Variants in KRT1 observed in about 807,000 individuals in gnomAD.
KRT1 encodes keratin 1.
A neutral mutation model predicts 51.6 loss-of-function variants in KRT1; 28 were observed. The observed-to-expected ratio is 0.54, with a 90% CI of 0.40 to 0.74. The LOEUF (loss-of-function observed/expected upper bound fraction) is 0.74, where lower values mean the gene tolerates loss of function less well. Among genes scored for constraint, KRT1 ranks in the 30% least tolerant of loss-of-function variants. The pLI, the probability that KRT1 is intolerant of heterozygous loss-of-function variation, is 0.00. For synonymous variants in KRT1, 301 were observed against 307.7 expected, an observed-to-expected ratio of 0.98 and a Z score of 0.23; for missense variants, 783 against 815.5, an observed-to-expected ratio of 0.96 and a Z score of 0.49.
chr12:52,679,664 TG>T, intron 1 of KRT1, 93 bp downstream of exon 1: 1 of 1,073,742 alleles, frequency 9.3e-7, no homozygotes, highest in Non-Finnish European at 1.4e-6. Flanking sequence ...CATGTAAACA[TG>T]GAAACTTGAG....
chr12:52,678,122 T>C (rs1941537954), intron 3 of KRT1, 41 bp downstream of exon 3: 1 of 1,597,576 alleles, frequency 6.3e-7, no homozygotes, highest in African/African-American at 1.3e-5. Context: ...TCTTCCCTTA[T>C]TTATTTCAAA....
Position 52,677,396 on chromosome 12 carries a change from T to C in KRT1, c.1048A>G (p.Ile350Val). The C allele has an allele frequency of 6.2e-7, 1 of 1,614,246 alleles. No individual in the cohort carries two copies. The highest frequency in any genetic ancestry group is 8.5e-7 in the Non-Finnish European group (1 of 1,180,046). The change falls in exon 5 of 9, where the codon ATC becomes GTC. Residue 350 changes from isoleucine to valine, a missense_variant. Ile to Val is a conservative substitution (Grantham distance 29). Coordinates refer to ENST00000252244, the MANE Select transcript of KRT1 (RefSeq NM_006121.4). ...TACTGGGCCTTGACCTCAGCAATGA[T>C]GCTGTCCAGGTCGAGACTGCGGTTG... is the stretch of plus-strand genomic sequence containing the variant. ...DNNRSLDLDS[I>V]IAEVKAQYED...
chr12:52,678,537 C>T lies in KRT1; in HGVS notation c.806+5G>A. 6.2e-7 allele frequency: 1 copy of T among 1,614,084 alleles called. No homozygotes were observed. Among genetic ancestry groups the T allele is most frequent in the South Asian group, 1.1e-5 (1 of 91,078 alleles). On this transcript the variant is annotated splice_donor_5th_base_variant and intron_variant, in intron 2 of 8. Transcript: ENST00000252244. ...GTTAAGAACTGCCCAGACAGGGTCC[C>T]TTACTTGTTCCGGTAATCCTCCACC...
chr12:52,677,739 C>A lies in KRT1; in HGVS notation c.874G>T (p.Asp292Tyr), dbSNP rs1230640656. ...NEFVTIKKDVDGAYMTKVDLQ... is the reference protein window; with the variant it reads ...NEFVTIKKDVYGAYMTKVDLQ... ...TCCACCTTGGTCATATAAGCACCAT[C>A]CACATCCTAGAGGAACAAGGGACAT... Residue 292 changes from aspartate (D) to tyrosine (Y), a missense_variant, in exon 4 of 9, where the codon GAT becomes TAT. By Grantham distance (160) the Asp-to-Tyr change is radical. Transcript: ENST00000252244. The A allele has an allele frequency of 6.2e-7, 1 of 1,613,942 alleles. No homozygotes were observed. Among genetic ancestry groups the A allele is most frequent in the African/African-American group, 1.3e-5 (1 of 75,012 alleles).
rs750190298 is a variant in KRT1, at chr12:52,677,787, G to C, written c.868-42C>G. 7 of 1,540,522 alleles carry C rather than the reference G, an allele frequency of 4.5e-6. No homozygotes were observed. In the Admixed American group the frequency reaches 1.2e-4, roughly 26 times the overall value. On this transcript the variant is annotated intron_variant, in intron 3 of 8. Coordinates refer to ENST00000252244, the MANE Select transcript of KRT1 (RefSeq NM_006121.4). ...CATCATGAAGGCACATTCTCTCCAG[G>C]GCAGGTCCCTCTCATTACCTGTGAG...
At position 52,674,873 on chromosome 12, in the gene KRT1, C is replaced by A; in HGVS notation, c.*320G>T. The stretch of plus-strand genomic sequence containing the variant: ...AGATAAGATGCTAAGGAGCTGTCCA[C>A]ACCCTGGGTCTAACTGGTCCTACTC... On this transcript the variant is annotated 3_prime_UTR_variant, in exon 9 of 9. Transcript: ENST00000252244. 1.9e-6 allele frequency: 1 copy of A among 513,130 alleles called. No individual in the cohort carries two copies. Among genetic ancestry groups the A allele is most frequent in the Non-Finnish European group, 3.5e-6 (1 of 283,910 alleles). 31.8% of individuals were successfully genotyped at this position (513,130 alleles called of 1,614,324 possible).
chr12:52,677,074 G>A lies in KRT1; in HGVS notation c.1239C>T (p.Asp413=). ...RVIQRLRSEI[D]NVKKQISNLQ... ...AAGCACATACCTGCTTCTTGACATT[G>A]TCGATTTCAGATCTAAGTCTCTGGA... The change falls in exon 6 of 9, where the codon GAC becomes GAT. Residue 413 remains aspartate (D), a synonymous_variant. Coordinates refer to ENST00000252244, the MANE Select transcript of KRT1 (RefSeq NM_006121.4). 1 of 1,613,544 alleles carries A rather than the reference G, an allele frequency of 6.2e-7. No homozygotes were observed. Among genetic ancestry groups the A allele is most frequent in the Non-Finnish European group, 8.5e-7 (1 of 1,180,042 alleles).
intron 7 of KRT1, 115 bp downstream of exon 7, chr12:52,676,160 C>T: frequency 2.2e-6 from 2 of 907,538 alleles, no homozygotes; most frequent in Non-Finnish European, 3.5e-6. Flanking sequence ...GTGTACTTTT[C>T]ATTTCCCCAT....
chr12:52,677,086 T>C lies in KRT1; in HGVS notation c.1227A>G (p.Arg409=). Residue 409 remains arginine, a synonymous_variant, in exon 6 of 9, where the codon AGA becomes AGG. Coordinates refer to ENST00000252244, the MANE Select transcript of KRT1 (RefSeq NM_006121.4). ...GCTTCTTGACATTGTCGATTTCAGA[T>C]CTAAGTCTCTGGATCACACGATTCA... is the stretch of plus-strand genomic sequence containing the variant. ...SELNRVIQRL[R]SEIDNVKKQI... 1 of 1,613,866 alleles carries C rather than the reference T, an allele frequency of 6.2e-7. No homozygotes were observed. The highest frequency in any genetic ancestry group is 1.3e-5 in the African/African-American group (1 of 75,052).
chr12:52,674,825 T>G lies in KRT1; in HGVS notation c.*368A>C, dbSNP rs963489715. The G allele has an allele frequency of 9.1e-5, 35 of 383,118 alleles. No individual in the cohort carries two copies. Among genetic ancestry groups the G allele is most frequent in the African/African-American group, 6.7e-4 (33 of 48,968 alleles). The allele number at this position is 383,118 out of a possible 1,614,324, so 23.7% of individuals were successfully genotyped here. On this transcript the variant is annotated 3_prime_UTR_variant, in exon 9 of 9. Transcript: ENST00000252244. ...AGAAAAACAACTTGCTTACACCTTA[T>G]GTACAAAACCAAAACAGCACAGAGA...
intron 1 of KRT1, 69 bp downstream of exon 1, chr12:52,679,689 G>T: frequency 1.5e-6 from 2 of 1,302,456 alleles, no homozygotes; most frequent in Non-Finnish European, 2.2e-6. Flanking sequence ...CAAACCTACT[G>T]TGTTTTGACT....
At position 52,677,472 on chromosome 12, in the gene KRT1, A is replaced by C; in HGVS notation, c.972T>G (p.Ser324=). The C allele has an allele frequency of 6.2e-7, 1 of 1,614,238 alleles. No individual in the cohort carries two copies. ...TTTCACTGATTTGAGTCTGCATCTG[A>C]GACAACTCCTGCAAGACATAATAGG... is the stretch of plus-strand genomic sequence containing the variant. The part of the protein sequence containing the change: ...FLTALYQAEL[S]QMQTQISETN... The change falls in exon 5 of 9, where the codon TCT becomes TCG. Residue 324 remains serine (S), a synonymous_variant. Coordinates refer to ENST00000252244, the MANE Select transcript of KRT1 (RefSeq NM_006121.4).
At chr12:52,675,682 T>C (rs960344350) in intron 8 of KRT1, 28 bp downstream of exon 8, 1 of 1,614,242 alleles carries the variant, frequency 6.2e-7, no homozygotes, top group Non-Finnish European at 8.5e-7. Context: ...AGCCTGCACA[T>C]GCCCCTGAGA....
intron 7 of KRT1, 125 bp from the exon 8 acceptor site, chr12:52,675,869 C>G: frequency 8.9e-7 from 1 of 1,124,904 alleles, no homozygotes; most frequent in South Asian, 1.3e-5. Context: ...TAATCTGAAA[C>G]TTAATCCAAT....
rs540928638 is a variant in KRT1, at chr12:52,676,451, G to A, written c.1299C>T (p.Gly433=). 27 of 1,614,146 alleles carry A rather than the reference G, an allele frequency of 1.7e-5. No homozygotes were observed. The highest frequency in any genetic ancestry group is 4.0e-5 in the African/African-American group (3 of 75,020). ...TCTTGGCATCCTTGAGGGCATTCTC[G>A]CCACGCTGCTCTGCATCACTGATGG... The part of the protein sequence containing the change: ...QQSISDAEQR[G]ENALKDAKNK... Residue 433 remains glycine, a synonymous_variant, in exon 7 of 9, where the codon GGC becomes GGT. Coordinates refer to ENST00000252244, the MANE Select transcript of KRT1 (RefSeq NM_006121.4).
Position 52,677,497 on chromosome 12 carries a change from G to T in KRT1, c.964-17C>A. The T allele has an allele frequency of 2.5e-6, 4 of 1,614,148 alleles. No individual in the cohort carries two copies. Among genetic ancestry groups the T allele is most frequent in the Non-Finnish European group, 3.4e-6 (4 of 1,179,998 alleles). On this transcript the variant is annotated splice_polypyrimidine_tract_variant and intron_variant, in intron 4 of 8. Transcript: ENST00000252244. ...AGACAACTCCTGCAAGACATAATAG[G>T]TTAGTGACTCTTACAGCACTAAAAC...
intron 4 of KRT1, 80 bp downstream of exon 4, chr12:52,677,570 A>G (rs1394088670): frequency 7.5e-6 from 12 of 1,604,366 alleles, no homozygotes; most frequent in Non-Finnish European, 1.0e-5. Flanking sequence ...AAAGATAAAT[A>G]TCTATTCTTC....
At position 52,678,295 on chromosome 12, in the gene KRT1, G is replaced by C. The variant is rs536609202; in HGVS notation, c.807-72C>G. ...TGAAGTCCAGCATTCTAAACTAAAG[G>C]TGGCATTGCCTATCACTGCCTTTCT... On this transcript the variant is annotated intron_variant, in intron 2 of 8. Transcript: ENST00000252244. 13 of 1,487,518 alleles carry C rather than the reference G, an allele frequency of 8.7e-6. 1 individual carries two copies. In the Admixed American group the frequency reaches 1.9e-4, roughly 21 times the overall value. The allele number at this position is 1,487,518 out of a possible 1,614,324, so 92.1% of individuals were successfully genotyped here.
chr12:52,677,408 C>T lies in KRT1; in HGVS notation c.1036G>A (p.Asp346Asn), dbSNP rs775594296. The T allele has an allele frequency of 6.8e-6, 11 of 1,614,040 alleles. No homozygotes were observed. The highest frequency in any genetic ancestry group is 4.0e-5 in the African/African-American group (3 of 74,922). The change falls in exon 5 of 9, where the codon GAC (aspartate) becomes AAC (asparagine). Residue 346 changes from aspartate to asparagine, a missense_variant. By Grantham distance (23) the Asp-to-Asn change is conservative (BLOSUM62 1). Transcript: ENST00000252244. ...ILSMDNNRSL[D>N]LDSIIAEVKA... The stretch of plus-strand genomic sequence containing the variant: ...ACCTCAGCAATGATGCTGTCCAGGT[C>T]GAGACTGCGGTTGTTGTCCATAGAG...
Sources: gnomAD v4.1 joint callset for allele counts on GRCh38, gnomAD v4.1.1 for gene constraint, MANE v1.5 for transcripts, NCBI Gene and HGNC (gene_info 2026-07-23, HGNC 2026-07-21) for gene names.